The following SLC41A2 variants were observed in gnomAD, a reference collection of about 807,000 sequenced individuals.
The protein encoded by SLC41A2 is solute carrier family 41 member 2, also known as SLC41A1-like 1.
SLC41A2 carries 32 observed loss-of-function variants against 58.3 expected under a neutral mutation model. The ratio of observed to expected loss-of-function variants is 0.55; its 90% CI spans 0.41 to 0.74. The LOEUF (loss-of-function observed/expected upper bound fraction) is 0.74. SLC41A2 is among the 30% of genes least tolerant of loss of function. The pLI, the probability that SLC41A2 is intolerant of heterozygous loss-of-function variation, is 0.00. For synonymous variants in SLC41A2, 190 were observed against 235.0 expected, an observed-to-expected ratio of 0.81 and a Z score of 1.75; for missense variants, 514 against 680.6, an observed-to-expected ratio of 0.76 and a Z score of 2.72.
At chr12:104,842,926 A>G (rs1044911521) in intron 10 of SLC41A2, among the ~76,000 whole-genome samples, 1 of 152,088 alleles carries the variant, frequency 6.6e-6, no homozygotes, top group Non-Finnish European at 1.5e-5. Context: ...TGGCTTGTTT[A>G]TCAGCAAACC....
chr12:104,925,981 T>C (rs2046821044), intron 2 of SLC41A2, among the ~76,000 whole-genome samples: 1 of 152,248 alleles, frequency 6.6e-6, no homozygotes, highest in Non-Finnish European at 1.5e-5. Flanking sequence ...TTTAAAACTT[T>C]AATGTACTGC....
intron 10 of SLC41A2, among the ~76,000 whole-genome samples, chr12:104,828,072 A>G (rs2041909478): frequency 6.6e-6 from 1 of 152,136 alleles, no homozygotes; most frequent in Non-Finnish European, 1.5e-5. Context: ...TCCTGTGCCT[A>G]TAAAAACCCT....
chr12:104,830,305 T>C (rs1271214682), intron 10 of SLC41A2, among the ~76,000 whole-genome samples: 2 of 152,216 alleles, frequency 1.3e-5, no homozygotes, highest in African/African-American at 2.4e-5. Flanking sequence ...GTCCCTTATA[T>C]AAAATGGCAC....
intron 7 of SLC41A2, among the ~76,000 whole-genome samples, chr12:104,863,153 G>C (rs1370410227): frequency 6.6e-6 from 1 of 152,088 alleles, no homozygotes; most frequent in Non-Finnish European, 1.5e-5. Context: ...AAAAGTAAAA[G>C]TACAGCCAGC....
At chr12:104,941,547 GGATAT>G (rs1225495897) in intron 1 of SLC41A2, among the ~76,000 whole-genome samples, 1 of 152,116 alleles carries the variant, frequency 6.6e-6, no homozygotes, top group Non-Finnish European at 1.5e-5. Flanking sequence ...TTTGGAAGAA[GGATAT>G]ATCAAAAGCA....
intron 2 of SLC41A2, among the ~76,000 whole-genome samples, chr12:104,920,343 A>C (rs2046534771): frequency 6.6e-6 from 1 of 152,186 alleles, no homozygotes; most frequent in Non-Finnish European, 1.5e-5. Context: ...GCTGGAATTT[A>C]AAAGGGAATT....
chr12:104,912,643 G>A (rs2046135086), intron 2 of SLC41A2, among the ~76,000 whole-genome samples: 1 of 152,166 alleles, frequency 6.6e-6, no homozygotes, highest in Admixed American at 6.5e-5. Flanking sequence ...GTAGAGTTAA[G>A]TGTTTGCCTG....
At chr12:104,842,311 T>A (rs1331257278) in intron 10 of SLC41A2, among the ~76,000 whole-genome samples, 2 of 152,026 alleles carry the variant, frequency 1.3e-5, no homozygotes, top group East Asian at 3.8e-4. Flanking sequence ...AGCTATTCCA[T>A]TAGAATAATG....
intron 3 of SLC41A2, among the ~76,000 whole-genome samples, chr12:104,897,785 T>C (rs927138020): frequency 1.3e-5 from 2 of 152,198 alleles, no homozygotes; most frequent in African/African-American, 4.8e-5. Flanking sequence ...TAGGCTTGCA[T>C]TGGCATGTGG....
intron 6 of SLC41A2, among the ~76,000 whole-genome samples, chr12:104,878,299 T>TTATTTATATA (rs2044158498): frequency 1.4e-5 from 2 of 139,920 alleles, no homozygotes; most frequent in South Asian, 4.7e-4. Context: ...TACCTGTATT[T>TTATTTATATA]TATATATATA....
chr12:104,839,308 A>G (rs937259644), intron 10 of SLC41A2, among the ~76,000 whole-genome samples: 6 of 152,188 alleles, frequency 3.9e-5, no homozygotes, highest in African/African-American at 1.4e-4. Flanking sequence ...AAATATTTAT[A>G]TACTCCATAT....
At chr12:104,871,952 T>C (rs564221584) in intron 6 of SLC41A2, among the ~76,000 whole-genome samples, 9 of 152,250 alleles carry the variant, frequency 5.9e-5, no homozygotes, top group South Asian at 2.1e-4. Flanking sequence ...TTAAGTGTTA[T>C]AGGAATTCAG....
chr12:104,956,137 A>G (rs1430509626), intron 1 of SLC41A2, among the ~76,000 whole-genome samples: 1 of 152,226 alleles, frequency 6.6e-6, no homozygotes, highest in African/African-American at 2.4e-5. Context: ...GACTCCAGTC[A>G]GGAATATGCC....
intron 1 of SLC41A2, among the ~76,000 whole-genome samples, chr12:104,947,165 T>C (rs533973880): frequency 6.6e-6 from 1 of 151,412 alleles, no homozygotes; most frequent in South Asian, 2.1e-4. Flanking sequence ...TGTACGCTGC[T>C]GTACTGAATT....
chr12:104,925,077 T>A lies in SLC41A2; in HGVS notation c.555+2896A>T, dbSNP rs553286907. On this transcript the variant is annotated intron_variant, in intron 2 of 10. Coordinates refer to ENST00000258538, the MANE Select transcript of SLC41A2 (RefSeq NM_001352171.3). ...GTGATGGGGACAAAAAGGGCAGCAATTGGAAGAAGGCACAAGGAGGACTAA... is the reference window on the plus strand; with the variant it reads ...GTGATGGGGACAAAAAGGGCAGCAAATGGAAGAAGGCACAAGGAGGACTAA... 2.0e-5 allele frequency among the ~76,000 whole-genome samples: 3 copies of A among 151,704 alleles called. No individual in the cohort carries two copies. The South Asian group carries it at 6.2e-4, about 31-fold the overall frequency.
At chr12:104,815,917 G>A (rs2041381622) in intron 10 of SLC41A2, among the ~76,000 whole-genome samples, 1 of 152,168 alleles carries the variant, frequency 6.6e-6, no homozygotes, top group African/African-American at 2.4e-5. Flanking sequence ...GCAGGTGGGG[G>A]AAGGTGGGAA....
chr12:104,952,789 G>A (rs1359023868), intron 1 of SLC41A2, among the ~76,000 whole-genome samples: 1 of 152,150 alleles, frequency 6.6e-6, no homozygotes, highest in Non-Finnish European at 1.5e-5. Context: ...TCACTTTAGT[G>A]TACCACATTC....
intron 3 of SLC41A2, among the ~76,000 whole-genome samples, chr12:104,898,206 G>A (rs2045388352): frequency 6.6e-6 from 1 of 152,108 alleles, no homozygotes; most frequent in African/African-American, 2.4e-5. Context: ...CTGAAGATGT[G>A]TTATGTTTGG....
At chr12:104,909,513 A>G (rs1593122385) in intron 3 of SLC41A2, 142 bp downstream of exon 3, 1 of 582,884 alleles carries the variant, frequency 1.7e-6, no homozygotes, top group Non-Finnish European at 3.0e-6. Flanking sequence ...ATTTCAGAAT[A>G]TGATATCAGG....
Sources: gnomAD v4.1 joint callset for allele counts (sites outside exome capture counted in the v4.1 genomes callset) on GRCh38, gnomAD v4.1.1 for gene constraint, MANE v1.5 for transcripts, NCBI Gene and HGNC (gene_info 2026-07-23, HGNC 2026-07-21) for gene names.